Variants in CD2AP observed in about 807,000 individuals in gnomAD.
CD2AP encodes the protein CD2-associated protein.
In CD2AP, 46 loss-of-function variants were observed where a neutral mutation model predicts 85.1. The ratio of observed to expected loss-of-function variants is 0.54; its 90% CI spans 0.43 to 0.69. The LOEUF (loss-of-function observed/expected upper bound fraction) is 0.69, where lower values mean the gene tolerates loss of function less well. Ranked by LOEUF, CD2AP falls within the 30% of genes least tolerant of loss-of-function variation. The pLI, the probability that CD2AP is intolerant of heterozygous loss-of-function variation, is 0.00. For missense variants in CD2AP, 769 were observed against 729.5 expected, an observed-to-expected ratio of 1.05 and a Z score of -0.62; for synonymous variants, 255 against 252.9, an observed-to-expected ratio of 1.01 and a Z score of -0.08.
intron 2 of CD2AP, among the ~76,000 whole-genome samples, chr6:47,531,946 G>C (rs1766890213): frequency 6.6e-6 from 1 of 151,830 alleles, no homozygotes; most frequent in South Asian, 2.1e-4. Flanking sequence ...GGTGGTGCAT[G>C]CCTGTAGTCC....
intron 1 of CD2AP, among the ~76,000 whole-genome samples, chr6:47,498,562 C>T (rs1041472792): frequency 6.6e-6 from 1 of 151,922 alleles, no homozygotes; most frequent in African/African-American, 2.4e-5. Flanking sequence ...ATTGATTGGG[C>T]CTTTTCCTTA....
In CD2AP at chr6:47,626,509, A is replaced by T. The variant is rs1049069415; in HGVS notation, c.*2282A>T. ...GAACAGCATGGAATCTCATTGCCAAATTATTAGTGAATGTATAGTTCAGGT... is the reference window on the plus strand; with the variant it reads ...GAACAGCATGGAATCTCATTGCCAATTTATTAGTGAATGTATAGTTCAGGT... On this transcript the variant is annotated 3_prime_UTR_variant, in exon 18 of 18. Coordinates refer to ENST00000359314, the MANE Select transcript of CD2AP (RefSeq NM_012120.3). 1 of 152,394 alleles carries T rather than the reference A, an allele frequency of 6.6e-6. No homozygotes were observed. The highest frequency in any genetic ancestry group is 2.4e-5 in the African/African-American group (1 of 41,434). 9.4% of individuals were successfully genotyped at this position (152,394 alleles called of 1,614,324 possible).
chr6:47,607,897 A>G (rs376931629), intron 14 of CD2AP, 30 bp from the exon 15 acceptor site: 20 of 1,448,846 alleles, frequency 1.4e-5, no homozygotes, highest in Non-Finnish European at 1.7e-5. Context: ...TTGGTCTATT[A>G]TGTCTCTTGA....
intron 17 of CD2AP, among the ~76,000 whole-genome samples, chr6:47,613,994 C>T (rs1769515077): frequency 6.6e-6 from 1 of 152,190 alleles, no homozygotes; most frequent in Admixed American, 6.5e-5. Flanking sequence ...TCCTCTGCTG[C>T]TTCGTCACCT....
chr6:47,565,979 A>G (rs1767982465), intron 5 of CD2AP, among the ~76,000 whole-genome samples: 1 of 151,880 alleles, frequency 6.6e-6, no homozygotes, highest in Non-Finnish European at 1.5e-5. Context: ...CTCATCTCTT[A>G]TTTAACTTTC....
At chr6:47,605,560 A>G (rs1051658794) in intron 13 of CD2AP, among the ~76,000 whole-genome samples, 2 of 151,918 alleles carry the variant, frequency 1.3e-5, no homozygotes, top group Non-Finnish European at 2.9e-5. Context: ...TACTAAACAC[A>G]ATAATGTCTA....
chr6:47,497,019 T>C (rs1765873084), intron 1 of CD2AP, among the ~76,000 whole-genome samples: 1 of 152,200 alleles, frequency 6.6e-6, no homozygotes, highest in Non-Finnish European at 1.5e-5. Flanking sequence ...TATTATCCTT[T>C]ATAATATCAA....
At chr6:47,609,843 T>C (rs1769381795) in intron 16 of CD2AP, among the ~76,000 whole-genome samples, 1 of 152,222 alleles carries the variant, frequency 6.6e-6, no homozygotes, top group Non-Finnish European at 1.5e-5. Flanking sequence ...ACCATAATTT[T>C]AGGCTAGAAA....
At chr6:47,558,743 TTC>T (rs755113586) in intron 5 of CD2AP, among the ~76,000 whole-genome samples, 74 of 152,358 alleles carry the variant, frequency 4.9e-4, no homozygotes, top group Non-Finnish European at 7.6e-4. Context: ...ATTGAGGATT[TTC>T]GCATTGATGT....
intron 2 of CD2AP, among the ~76,000 whole-genome samples, chr6:47,528,192 T>C (rs781103349): frequency 6.6e-6 from 1 of 152,228 alleles, no homozygotes; most frequent in Non-Finnish European, 1.5e-5. Flanking sequence ...TTTTGGGGGA[T>C]GAGACAGAGT....
intron 3 of CD2AP, among the ~76,000 whole-genome samples, chr6:47,542,455 TGTG>T (rs1481412733): frequency 6.6e-6 from 1 of 152,206 alleles, no homozygotes; most frequent in Non-Finnish European, 1.5e-5. Flanking sequence ...TAATTTCCAT[TGTG>T]GTGATATTAA....
At position 47,522,560 on chromosome 6, in the gene CD2AP, A is replaced by G. The variant is rs1766624221; in HGVS notation, c.166-11042A>G. On this transcript the variant is annotated intron_variant, in intron 2 of 17. Coordinates refer to ENST00000359314, the MANE Select transcript of CD2AP (RefSeq NM_012120.3). Reference sequence around the variant, plus strand: ...AATGAAATTTTGATCCCTTGTGAAGAGTTTCTTGACCTTGATATAAAGTGT... The same window carrying G: ...AATGAAATTTTGATCCCTTGTGAAGGGTTTCTTGACCTTGATATAAAGTGT... Among the ~76,000 whole-genome samples the G allele has an allele frequency of 2.0e-5, 3 of 152,178 alleles. No individual in the cohort carries two copies. The South Asian group carries it at 6.2e-4, about 32-fold the overall frequency.
chr6:47,566,060 G>A (rs929815119), intron 5 of CD2AP, among the ~76,000 whole-genome samples: 2 of 151,834 alleles, frequency 1.3e-5, no homozygotes, highest in African/African-American at 4.8e-5. Flanking sequence ...CAGCCTTTGT[G>A]CTTGTTGTAT....
chr6:47,496,634 C>T (rs192106379), intron 1 of CD2AP, among the ~76,000 whole-genome samples: 95 of 152,262 alleles, frequency 6.2e-4, no homozygotes, highest in African/African-American at 2.2e-3. Flanking sequence ...AATTCCTGCA[C>T]GTGATATACA....
chr6:47,501,749 CTT>C (rs1766004141), intron 1 of CD2AP, among the ~76,000 whole-genome samples: 1 of 151,848 alleles, frequency 6.6e-6, no homozygotes, highest in Non-Finnish European at 1.5e-5. Flanking sequence ...AGTCTGCTAT[CTT>C]GAGCAGGAAA....
At chr6:47,523,177 A>G (rs532115808) in intron 2 of CD2AP, among the ~76,000 whole-genome samples, 2 of 152,216 alleles carry the variant, frequency 1.3e-5, no homozygotes, top group African/African-American at 4.8e-5. Context: ...GAACAATTCA[A>G]GAGCTAGCTT....
chr6:47,624,376 G>A lies in CD2AP; in HGVS notation c.*149G>A. ...AATATCTATAGAAAAGTAGAGTGAGGGTGAATTTATATATATATTTTGTTT... is the reference window on the plus strand; with the variant it reads ...AATATCTATAGAAAAGTAGAGTGAGAGTGAATTTATATATATATTTTGTTT... On this transcript the variant is annotated 3_prime_UTR_variant, in exon 18 of 18. Coordinates refer to ENST00000359314, the MANE Select transcript of CD2AP (RefSeq NM_012120.3). 1.5e-6 allele frequency: 1 copy of A among 647,620 alleles called. No homozygotes were observed. The highest frequency in any genetic ancestry group is 2.8e-6 in the Non-Finnish European group (1 of 363,234). The allele number at this position is 647,620 out of a possible 1,614,324, so 40.1% of individuals were successfully genotyped here. A position where few individuals can be genotyped will look rare whatever the true frequency, so the allele number is the denominator to read the frequency against.
At chr6:47,513,498 A>G (rs1030194492) in intron 2 of CD2AP, among the ~76,000 whole-genome samples, 1 of 151,876 alleles carries the variant, frequency 6.6e-6, no homozygotes, top group African/African-American at 2.4e-5. Context: ...TGGTATTTTT[A>G]GTGTTTGATT....
rs1354342741 is a variant in CD2AP, at chr6:47,515,892, A to C, written c.165+12452A>C. Among the ~76,000 whole-genome samples, 4 of 152,200 alleles carry C rather than the reference A, an allele frequency of 2.6e-5. No homozygotes were observed. In the East Asian group the frequency reaches 7.7e-4, roughly 29 times the overall value. Reference sequence around the variant, plus strand: ...ACTCAAGAAATTTCAGAAGAAAGACACTTGACGTAAAGGAAATTCAAAGAC... The same window carrying C: ...ACTCAAGAAATTTCAGAAGAAAGACCCTTGACGTAAAGGAAATTCAAAGAC... On this transcript the variant is annotated intron_variant, in intron 2 of 17. Transcript: ENST00000359314.
Sources: gnomAD v4.1 joint callset for allele counts (sites outside exome capture counted in the v4.1 genomes callset) on GRCh38, gnomAD v4.1.1 for gene constraint, MANE v1.5 for transcripts, NCBI Gene and HGNC (gene_info 2026-07-23, HGNC 2026-07-21) for gene names.